The following ZNF331 variants were observed in gnomAD, a reference collection of about 807,000 sequenced individuals.
ZNF331 encodes the protein C2H2-like zinc finger protein rearranged in thyroid adenomas.
Under a neutral mutation model 7.0 loss-of-function variants are expected in ZNF331, and 2 were observed. The observed-to-expected ratio is 0.29, with a 90% CI of 0.12 to 0.90. ZNF331 has a LOEUF of 0.90. Ranked by LOEUF, ZNF331 falls within the 40% of genes least tolerant of loss-of-function variation. The pLI is 0.58. For synonymous variants in ZNF331, 196 were observed against 205.4 expected (o/e 0.95, Z 0.39); for missense variants, 432 against 587.7 (o/e 0.74, Z 2.74).
chr19:53,518,196 T>A (rs1003445220), upstream of ZNF331, among the ~76,000 whole-genome samples: 32 of 152,208 alleles, frequency 2.1e-4, no homozygotes, highest in Non-Finnish European at 1.0e-4. Context: ...GCTTTCATCT[T>A]TCTCCCGTGC....
chr19:53,553,889 T>G (rs755373688), intron 2 of ZNF331, among the ~76,000 whole-genome samples: 25 of 152,058 alleles, frequency 1.6e-4, no homozygotes, highest in Non-Finnish European at 3.2e-4. Context: ...ACAGCCCCTC[T>G]CCCAGCCGGG....
chr19:53,553,968 C>T (rs1166494715), intron 2 of ZNF331, among the ~76,000 whole-genome samples: 1 of 152,188 alleles, frequency 6.6e-6, no homozygotes, highest in Non-Finnish European at 1.5e-5. Context: ...CCCTGAGGCC[C>T]CTGCCTGGGA....
Position 53,571,800 on chromosome 19 carries a change from C to A in ZNF331, c.136+70C>A. ...CCGCTCTCCCCTGTGAATTTCAGGA[C>A]CGCCTTTCAAGAAACTAGTTGAATT... On this transcript the variant is annotated intron_variant, in intron 5 of 5. Transcript: ENST00000449416. The surrounding 1 kb of genome is among the most constrained non-coding windows in gnomAD (Gnocchi z 4.7). 1 of 1,516,856 alleles carries A rather than the reference C, an allele frequency of 6.6e-7. No individual in the cohort carries two copies. Among genetic ancestry groups the A allele is most frequent in the Admixed American group, 2.2e-5 (1 of 45,308 alleles). 94.0% of individuals were successfully genotyped at this position (1,516,856 alleles called of 1,614,324 possible). A position where few individuals can be genotyped will look rare whatever the true frequency, so the allele number is the denominator to read the frequency against.
chr19:53,509,032 T>A, the ZNF331 span, among the ~76,000 whole-genome samples: 1 of 152,046 alleles, frequency 6.6e-6, no homozygotes, highest in South Asian at 2.1e-4. Flanking sequence ...CCTCCGTGAG[T>A]CCCAGAAAGA....
chr19:53,562,705 A>T (rs1425126240), intron 3 of ZNF331, among the ~76,000 whole-genome samples: 2 of 151,464 alleles, frequency 1.3e-5, no homozygotes, highest in East Asian at 1.9e-4. Context: ...AGAAAAAAAA[A>T]AACTCCGGGC....
intron 2 of ZNF331, among the ~76,000 whole-genome samples, chr19:53,550,975 G>T (rs1184887095): frequency 1.3e-5 from 2 of 151,156 alleles, no homozygotes; most frequent in Non-Finnish European, 2.9e-5. Flanking sequence ...CTCCTGAGTA[G>T]TGTGCACCAC....
At chr19:53,568,851 T>C (rs1218120077) in intron 3 of ZNF331, among the ~76,000 whole-genome samples, 1 of 19,012 alleles carries the variant, frequency 5.3e-5, no homozygotes, top group Non-Finnish European at 1.0e-4. Context: ...ATGATACTCT[T>C]TTTTTTTTTT....
chr19:53,568,891 T>C (rs2090301267), intron 3 of ZNF331, among the ~76,000 whole-genome samples: 1 of 141,676 alleles, frequency 7.1e-6, no homozygotes, highest in Non-Finnish European at 1.5e-5. Flanking sequence ...AATCTTGCTC[T>C]GTCACCAGAG....
chr19:53,539,089 GTCA>G lies in ZNF331; in HGVS notation c.-204-121_-204-119del, dbSNP rs1568474182. 3 of 152,100 alleles carry G rather than the reference GTCA, an allele frequency of 2.0e-5. 1 individual carries two copies. Among genetic ancestry groups the G allele is most frequent in the African/African-American group, 7.3e-5 (3 of 41,374 alleles). The allele number at this position is 152,100 out of a possible 1,614,324, so 9.4% of individuals were successfully genotyped here. ...GACAGGGAGGGGGGCAGCTCCACGC[GTCA>G]TCATCTCAATCGCCACAGCGTGCTC... On this transcript the variant is annotated intron_variant, in intron 1 of 5. Transcript: ENST00000449416. The surrounding 1 kb of genome is among the most constrained non-coding windows in gnomAD (Gnocchi z 6.1).
At chr19:53,526,893 T>C (rs2087319837) in intron 2 of ZNF331, among the ~76,000 whole-genome samples, 1 of 151,738 alleles carries the variant, frequency 6.6e-6, no homozygotes. Flanking sequence ...ATTGATTGCA[T>C]TATAAGAAAT....
chr19:53,549,288 T>G (rs1416685844), intron 2 of ZNF331, among the ~76,000 whole-genome samples: 3 of 152,150 alleles, frequency 2.0e-5, no homozygotes, highest in African/African-American at 7.2e-5. Context: ...TTCCATTGTG[T>G]GTGTTTTCAT....
At chr19:53,540,702 G>T (rs2088098620) in intron 2 of ZNF331, among the ~76,000 whole-genome samples, 2 of 51,910 alleles carry the variant, frequency 3.9e-5, no homozygotes, top group Middle Eastern at 0.011. Flanking sequence ...CTCCCAAAGT[G>T]CGGGATTACA....
chr19:53,561,195 C>T (rs2089860814), intron 3 of ZNF331, among the ~76,000 whole-genome samples: 1 of 152,062 alleles, frequency 6.6e-6, no homozygotes, highest in Non-Finnish European at 1.5e-5. Context: ...AGAGGCAGGC[C>T]TATCCATTCA....
intron 3 of ZNF331, among the ~76,000 whole-genome samples, chr19:53,559,221 CAT>C (rs952895920): frequency 6.7e-4 from 101 of 150,140 alleles, no homozygotes; most frequent in African/African-American, 2.2e-3. Flanking sequence ...TATAGAGACA[CAT>C]ATATACACAC....
chr19:53,549,854 C>G (rs1175473775), intron 2 of ZNF331, among the ~76,000 whole-genome samples: 1 of 151,338 alleles, frequency 6.6e-6, no homozygotes, highest in African/African-American at 2.4e-5. Context: ...TGAGATCTTC[C>G]TTCTTTCGTG....
upstream of ZNF331, among the ~76,000 whole-genome samples, chr19:53,515,749 G>A (rs1450408029): frequency 2.6e-5 from 4 of 151,998 alleles, no homozygotes; most frequent in African/African-American, 7.3e-5. Flanking sequence ...CGCCTTCCTC[G>A]GCCTCCCAAA....
At chr19:53,547,033 A>G (rs566997918) in intron 2 of ZNF331, among the ~76,000 whole-genome samples, 1 of 152,326 alleles carries the variant, frequency 6.6e-6, no homozygotes, top group South Asian at 2.1e-4. Flanking sequence ...GATTAAATCA[A>G]GCTGATTAAC....
intron 2 of ZNF331, among the ~76,000 whole-genome samples, chr19:53,549,708 AAT>A (rs1491162184): frequency 5.4e-5 from 8 of 147,120 alleles, no homozygotes; most frequent in East Asian, 1.9e-4. Flanking sequence ...AAAAAAAAAA[AAT>A]TTTTTTTTAA....
In ZNF331 at chr19:53,528,579, T is replaced by G. The variant is rs942228978; in HGVS notation, c.-205+5895T>G. On this transcript the variant is annotated intron_variant, in intron 2 of 6. Transcript: ENST00000253144. ...ACTGTCAGAGTTCAGAATCACACCC[T>G]GAAAGTTGTACTGCAGAGCCTGTGT... Among the ~76,000 whole-genome samples, 7 of 152,334 alleles carry G rather than the reference T, an allele frequency of 4.6e-5. No individual in the cohort carries two copies. In the East Asian group the frequency reaches 1.4e-3, roughly 29 times the overall value.
Sources: gnomAD v4.1 joint callset for allele counts (sites outside exome capture counted in the v4.1 genomes callset) on GRCh38, gnomAD v4.1.1 for gene constraint, Gnocchi (gnomAD v3.1) non-coding constraint, MANE v1.5 for transcripts, NCBI Gene and HGNC (gene_info 2026-07-23, HGNC 2026-07-21) for gene names.